Variants in PLPPR2 observed in about 807,000 individuals in gnomAD.
PLPPR2 encodes the protein phospholipid phosphatase related 2.
In PLPPR2, 11 loss-of-function variants were observed where a neutral mutation model predicts 40.3. The observed-to-expected ratio is 0.27, with a 90% CI of 0.17 to 0.45. The LOEUF (loss-of-function observed/expected upper bound fraction) is 0.45. PLPPR2 is among the 20% of genes least tolerant of loss of function. The probability of loss-of-function intolerance (pLI) is 1.00; values close to 1 mark genes in which losing one functional copy is unlikely to be tolerated. For missense variants in PLPPR2, 497 were observed against 640.7 expected (o/e 0.78, Z 2.42); for synonymous variants, 260 against 290.8 (o/e 0.89, Z 1.08).
rs543555533 is a variant in PLPPR2 at position 11,363,260 on chromosome 19, G to A, written c.841-453G>A. On this transcript the variant is annotated intron_variant, in intron 7 of 9. Transcript: ENST00000688289. This position sits in a 1 kb window ranked among gnomAD's most constrained non-coding sequence, Gnocchi z 4.8. Reference sequence around the variant, plus strand: ...CGTGCCACCTCACTCCAGCCTGGGTGAAAGAGCGAAAGTCTGTCTCAAAAA... The same window carrying A: ...CGTGCCACCTCACTCCAGCCTGGGTAAAAGAGCGAAAGTCTGTCTCAAAAA... 3.6e-3 allele frequency among the ~76,000 whole-genome samples: 525 copies of A among 145,960 alleles called. 1 individual carries two copies. Among genetic ancestry groups the A allele is most frequent in the Non-Finnish European group, 4.0e-3 (266 of 66,844 alleles).
At position 11,364,781 on chromosome 19, in the gene PLPPR2, T is replaced by G. The variant is rs1968150017; in HGVS notation, c.*91T>G. 1.4e-6 allele frequency: 2 copies of G among 1,437,796 alleles called. No individual in the cohort carries two copies. The allele number at this position is 1,437,796 out of a possible 1,614,324, so 89.1% of individuals were successfully genotyped here. ...GTGCCACGTGAGTGCCAAAGTCCCCTGCCCCCCAAGCCAGCCAGACCCAGA... is the reference window on the plus strand; with the variant it reads ...GTGCCACGTGAGTGCCAAAGTCCCCGGCCCCCCAAGCCAGCCAGACCCAGA... On this transcript the variant is annotated 3_prime_UTR_variant, in exon 10 of 10. Coordinates refer to ENST00000688289, the MANE Select transcript of PLPPR2 (RefSeq NM_001393892.1). The surrounding 1 kb of genome is among the most constrained non-coding windows in gnomAD (Gnocchi z 5.8).
At position 11,362,533 on chromosome 19, in the gene PLPPR2, C is replaced by G; in HGVS notation, c.684C>G (p.Phe228Leu). Residue 228 changes from phenylalanine (F) to leucine (L), a missense_variant, in exon 7 of 10, where the codon TTC (phenylalanine) becomes TTG (leucine). By Grantham distance (22) the Phe-to-Leu change is conservative (BLOSUM62 0). Transcript: ENST00000688289. The surrounding 1 kb of genome is among the most constrained non-coding windows in gnomAD (Gnocchi z 5.3). ...TYTAMYVTLVFRVKGSRLVKP... is the reference protein window; with the variant it reads ...TYTAMYVTLVLRVKGSRLVKP... ...CGCAGATGTACGTGACTCTCGTGTT[C>G]CGCGTGAAGGGCTCCCGCCTGGTCA... The G allele has an allele frequency of 1.2e-6, 2 of 1,610,908 alleles. No homozygotes were observed. The highest frequency in any genetic ancestry group is 1.7e-6 in the Non-Finnish European group (2 of 1,179,982).
chr19:11,357,212 T>G (rs1298179775), intron 2 of PLPPR2, among the ~76,000 whole-genome samples: 1 of 151,784 alleles, frequency 6.6e-6, no homozygotes, highest in Non-Finnish European at 1.5e-5. Flanking sequence ...GCAGAGGCCA[T>G]GGAGGAAGCG....
Position 11,363,642 on chromosome 19 carries a change from G to A in PLPPR2, c.841-71G>A, listed in dbSNP as rs553457699. ...GCCTCACTTTCCTTATCTGAAAAAT[G>A]GGGATGGTATTTACATGGCTCCTAT... On this transcript the variant is annotated intron_variant, in intron 7 of 9. Coordinates refer to ENST00000688289, the MANE Select transcript of PLPPR2 (RefSeq NM_001393892.1). The surrounding 1 kb of genome is among the most constrained non-coding windows in gnomAD (Gnocchi z 4.8). The A allele has an allele frequency of 4.7e-6, 7 of 1,499,030 alleles. No individual in the cohort carries two copies. The East Asian group carries it at 1.6e-4, about 35-fold the overall frequency. The allele number at this position is 1,499,030 out of a possible 1,614,324, so 92.9% of individuals were successfully genotyped here.
intron 3 of PLPPR2, among the ~76,000 whole-genome samples, chr19:11,358,298 C>G (rs977361624): frequency 6.6e-6 from 1 of 152,154 alleles, no homozygotes; most frequent in Non-Finnish European, 1.5e-5. Context: ...TCAAGCAATC[C>G]TCCTGCCTCA....
intron 1 of PLPPR2, among the ~76,000 whole-genome samples, chr19:11,356,475 C>A (rs1239232328): frequency 6.6e-6 from 1 of 151,848 alleles, no homozygotes; most frequent in Non-Finnish European, 1.5e-5. Context: ...CTTGTTTGAT[C>A]TGTTTGGTGT....
At chr19:11,357,814 T>C in intron 3 of PLPPR2, 75 bp downstream of exon 3, 1 of 1,213,360 alleles carries the variant, frequency 8.2e-7, no homozygotes, top group Non-Finnish European at 1.2e-6. Flanking sequence ...TCCTTATCTG[T>C]ACCCACTTTT....
chr19:11,358,611 T>G (rs574669962), intron 3 of PLPPR2, among the ~76,000 whole-genome samples: 1 of 151,444 alleles, frequency 6.6e-6, no homozygotes, highest in East Asian at 1.9e-4. Flanking sequence ...CTTTCCCTTC[T>G]CTTTCCTCTT....
Position 11,362,452 on chromosome 19 carries a change from C to G in PLPPR2, c.664-61C>G. 6.3e-7 allele frequency: 1 copy of G among 1,589,056 alleles called. No individual in the cohort carries two copies. Among genetic ancestry groups the G allele is most frequent in the Non-Finnish European group, 8.6e-7 (1 of 1,168,526 alleles). ...CCATGCGCTCTAGCCCAGAAAGGAG[C>G]GTCCACTTGGGTTCGGCGACTTGCC... On this transcript the variant is annotated intron_variant, in intron 6 of 9. Transcript: ENST00000688289. This position sits in a 1 kb window ranked among gnomAD's most constrained non-coding sequence, Gnocchi z 5.3.
chr19:11,363,377 G>A lies in PLPPR2; in HGVS notation c.841-336G>A, dbSNP rs1210345505. Among the ~76,000 whole-genome samples, 2 of 152,070 alleles carry A rather than the reference G, an allele frequency of 1.3e-5. No homozygotes were observed. Among genetic ancestry groups the A allele is most frequent in the African/African-American group, 2.4e-5 (1 of 41,408 alleles). On this transcript the variant is annotated intron_variant, in intron 7 of 9. Transcript: ENST00000688289. The surrounding 1 kb of genome is among the most constrained non-coding windows in gnomAD (Gnocchi z 4.8). ...AGGCAAGAGAGTTGCTTGAATCCAG[G>A]AGGTGGAGTTTGCAGTGAGCTGAGA...
At position 11,364,723 on chromosome 19, in the gene PLPPR2, CCCA is replaced by C. The variant is rs1968148374; in HGVS notation, c.*35_*37del. 4 of 1,536,424 alleles carry C rather than the reference CCCA, an allele frequency of 2.6e-6. No homozygotes were observed. Among genetic ancestry groups the C allele is most frequent in the Non-Finnish European group, 3.5e-6 (4 of 1,146,400 alleles). ...CCACCCACCCAGAATCTGCCCAGTC[CCCA>C]CTTCTTCCCTGCCACGCGTGTGTGT... On this transcript the variant is annotated 3_prime_UTR_variant, in exon 10 of 10. Coordinates refer to ENST00000688289, the MANE Select transcript of PLPPR2 (RefSeq NM_001393892.1). This position sits in a 1 kb window ranked among gnomAD's most constrained non-coding sequence, Gnocchi z 5.8.
intron 3 of PLPPR2, among the ~76,000 whole-genome samples, chr19:11,358,443 G>GT (rs1357915508): frequency 6.6e-6 from 1 of 152,110 alleles, no homozygotes; most frequent in Non-Finnish European, 1.5e-5. Context: ...TACACCTGTG[G>GT]TAGCTGCTAG....
In PLPPR2 at chr19:11,361,507, G is replaced by T; in HGVS notation, c.663+19G>T. On this transcript the variant is annotated intron_variant, in intron 6 of 9. Coordinates refer to ENST00000688289, the MANE Select transcript of PLPPR2 (RefSeq NM_001393892.1). The surrounding 1 kb of genome is among the most constrained non-coding windows in gnomAD (Gnocchi z 6.3). ...CACAGCGGTGAGCTTCGGGAGCTTC[G>T]GGGTCGGAAATGGGTGTGCAGGCTG... 1 of 1,579,734 alleles carries T rather than the reference G, an allele frequency of 6.3e-7. No homozygotes were observed. The highest frequency in any genetic ancestry group is 8.6e-7 in the Non-Finnish European group (1 of 1,166,430).
chr19:11,357,455 C>T (rs1329925939), intron 2 of PLPPR2, among the ~76,000 whole-genome samples: 2 of 151,870 alleles, frequency 1.3e-5, no homozygotes, highest in Non-Finnish European at 2.9e-5. Flanking sequence ...AGGCAGGTGT[C>T]CCCAGTAGGG....
Position 11,359,337 on chromosome 19 carries a change from C to G in PLPPR2, c.67-195C>G, listed in dbSNP as rs1026825199. ...CCTTCTCCTTCTGTTTCTCCTAAGCCCTGACCCTTCTCTCACCTCCTTTCC... is the reference window on the plus strand; with the variant it reads ...CCTTCTCCTTCTGTTTCTCCTAAGCGCTGACCCTTCTCTCACCTCCTTTCC... On this transcript the variant is annotated intron_variant, in intron 3 of 9. Coordinates refer to ENST00000688289, the MANE Select transcript of PLPPR2 (RefSeq NM_001393892.1). This position sits in a 1 kb window ranked among gnomAD's most constrained non-coding sequence, Gnocchi z 5.6. 1.6e-5 allele frequency: 8 copies of G among 500,894 alleles called. No homozygotes were observed. The East Asian group carries it at 2.3e-4, about 15-fold the overall frequency. 31.0% of individuals were successfully genotyped at this position (500,894 alleles called of 1,614,324 possible). A position where few individuals can be genotyped will look rare whatever the true frequency, so the allele number is the denominator to read the frequency against.
chr19:11,362,154 C>T lies in PLPPR2; in HGVS notation c.664-359C>T, dbSNP rs1019606564. On this transcript the variant is annotated intron_variant, in intron 6 of 9. Transcript: ENST00000688289. The surrounding 1 kb of genome is among the most constrained non-coding windows in gnomAD (Gnocchi z 5.3). ...TACAGCTCCCTTCGCCCTGACTCCA[C>T]CCTCTGGTTCTGTGGCCACGCCCTA... Among the ~76,000 whole-genome samples the T allele has an allele frequency of 6.6e-6, 1 of 152,176 alleles. No homozygotes were observed. The highest frequency in any genetic ancestry group is 2.4e-5 in the African/African-American group (1 of 41,428).
rs756787760 is a variant in PLPPR2, at chr19:11,361,498, G to A, written c.663+10G>A. On this transcript the variant is annotated intron_variant, in intron 6 of 9. Transcript: ENST00000688289. The surrounding 1 kb of genome is among the most constrained non-coding windows in gnomAD (Gnocchi z 6.3). The stretch of plus-strand genomic sequence containing the variant: ...GGTCACCTACACAGCGGTGAGCTTC[G>A]GGAGCTTCGGGGTCGGAAATGGGTG... 10 of 1,584,522 alleles carry A rather than the reference G, an allele frequency of 6.3e-6. No homozygotes were observed. The highest frequency in any genetic ancestry group is 8.6e-6 in the Non-Finnish European group (10 of 1,168,820).
Position 11,365,130 on chromosome 19 carries a change from T to A in PLPPR2, c.*440T>A. The A allele has an allele frequency of 5.0e-6, 1 of 201,702 alleles. No homozygotes were observed. The highest frequency in any genetic ancestry group is 1.0e-5 in the Non-Finnish European group (1 of 99,400). The allele number at this position is 201,702 out of a possible 1,614,324, so 12.5% of individuals were successfully genotyped here. A position where few individuals can be genotyped will look rare whatever the true frequency, so the allele number is the denominator to read the frequency against. ...CCAGAATTTCTAGAGTGGGTGGGCA[T>A]GATTCCAGTCAATGGGGGACCGCCC... On this transcript the variant is annotated 3_prime_UTR_variant, in exon 10 of 10. Coordinates refer to ENST00000688289, the MANE Select transcript of PLPPR2 (RefSeq NM_001393892.1).
intron 1 of PLPPR2, among the ~76,000 whole-genome samples, chr19:11,356,264 C>A (rs755143847): frequency 3.3e-5 from 5 of 151,706 alleles, no homozygotes; most frequent in Admixed American, 6.6e-5. Context: ...TCGCTGAGTG[C>A]CTTGTAATTG....
Sources: allele counts gnomAD v4.1 joint callset (sites outside exome capture counted in the v4.1 genomes callset), GRCh38; gene constraint gnomAD v4.1.1; non-coding constraint Gnocchi (gnomAD v3.1); transcripts MANE v1.5; gene names NCBI Gene and HGNC (gene_info 2026-07-23, HGNC 2026-07-21).